Variants in CCDC181 observed in about 807,000 individuals in gnomAD.
The protein encoded by CCDC181 is coiled-coil domain containing 181, also known as coiled-coil domain-containing protein 181.
A neutral mutation model predicts 58.7 loss-of-function variants in CCDC181; 35 were observed. The ratio of observed to expected loss-of-function variants is 0.60; its 90% CI spans 0.46 to 0.79. The LOEUF (loss-of-function observed/expected upper bound fraction) is 0.79, where lower values mean the gene tolerates loss of function less well. CCDC181 is among the 30% of genes least tolerant of loss of function. The probability of loss-of-function intolerance (pLI) is 0.00; values close to 1 mark genes in which losing one functional copy is unlikely to be tolerated. For missense variants in CCDC181, 517 were observed against 583.9 expected (o/e 0.89, Z 1.18); for synonymous variants, 183 against 197.5 (o/e 0.93, Z 0.62).
At chr1:169,444,543 A>G (rs1657322368) in intron 2 of CCDC181, among the ~76,000 whole-genome samples, 1 of 152,196 alleles carries the variant, frequency 6.6e-6, no homozygotes, top group African/African-American at 2.4e-5. Context: ...CTCAGTAAAG[A>G]TGATTCTGCA....
At chr1:169,404,794 TGGA>T (rs1428576993) in intron 4 of CCDC181, among the ~76,000 whole-genome samples, 1 of 152,206 alleles carries the variant, frequency 6.6e-6, no homozygotes, top group Non-Finnish European at 1.5e-5. Context: ...AACATAGTGT[TGGA>T]AGTTCTGGAC....
intron 2 of CCDC181, among the ~76,000 whole-genome samples, chr1:169,444,514 T>A (rs1308508984): frequency 6.6e-6 from 1 of 152,198 alleles, no homozygotes; most frequent in Non-Finnish European, 1.5e-5. Flanking sequence ...TAAACTTTTT[T>A]AAAAGCATAA....
At chr1:169,443,455 G>A (rs1657289419) in intron 2 of CCDC181, 1 of 152,028 alleles carries the variant, frequency 6.6e-6, no homozygotes, top group African/African-American at 2.4e-5. Context: ...GAAACGAAAT[G>A]AATCAGAATT....
chr1:169,420,018 AAG>A (rs1235572089), intron 3 of CCDC181, among the ~76,000 whole-genome samples: 1 of 152,240 alleles, frequency 6.6e-6, no homozygotes, highest in Non-Finnish European at 1.5e-5. Flanking sequence ...TTTCAGAACA[AAG>A]AGTGTGTGAC....
intron 2 of CCDC181, among the ~76,000 whole-genome samples, chr1:169,437,546 AT>A (rs1203714146): frequency 6.6e-6 from 1 of 152,178 alleles, no homozygotes; most frequent in Non-Finnish European, 1.5e-5. Context: ...CTCAGTTACA[AT>A]TTTGCAATGG....
intron 2 of CCDC181, among the ~76,000 whole-genome samples, chr1:169,458,646 G>T (rs928738580): frequency 6.6e-6 from 1 of 151,790 alleles, no homozygotes; most frequent in Non-Finnish European, 1.5e-5. Flanking sequence ...TTGTCATATT[G>T]TTACTTTCTT....
chr1:169,451,023 C>T (rs541250453), intron 2 of CCDC181: 4 of 152,236 alleles, frequency 2.6e-5, no homozygotes, highest in South Asian at 4.1e-4. Flanking sequence ...TATTCCTAAT[C>T]CAAAAATCTG....
At chr1:169,438,468 T>C (rs1468824391) in intron 2 of CCDC181, among the ~76,000 whole-genome samples, 1 of 152,158 alleles carries the variant, frequency 6.6e-6, no homozygotes, top group Non-Finnish European at 1.5e-5. Flanking sequence ...TCCTTTTCTG[T>C]TTTATGAAGC....
intron 4 of CCDC181, among the ~76,000 whole-genome samples, chr1:169,402,488 T>C (rs1176840921): frequency 6.6e-6 from 1 of 151,776 alleles, no homozygotes; most frequent in Non-Finnish European, 1.5e-5. Context: ...CAGAAGAGAG[T>C]GGGGGCCAAT....
intron 2 of CCDC181, among the ~76,000 whole-genome samples, chr1:169,435,112 T>C (rs1657019709): frequency 1.3e-5 from 2 of 152,086 alleles, no homozygotes; most frequent in African/African-American, 4.8e-5. Flanking sequence ...ATAGGTGTTT[T>C]TTTACCACAA....
chr1:169,402,079 A>C (rs557612619), intron 4 of CCDC181, among the ~76,000 whole-genome samples: 167 of 152,302 alleles, frequency 1.1e-3, no homozygotes, highest in Admixed American at 2.4e-3. Flanking sequence ...AAATGAATGA[A>C]ATGAAGTGAG....
chr1:169,453,799 G>C (rs1657614063), intron 2 of CCDC181, among the ~76,000 whole-genome samples: 1 of 151,234 alleles, frequency 6.6e-6, no homozygotes, highest in African/African-American at 2.4e-5. Context: ...CCTACCAGTG[G>C]GCATCAGAGA....
At chr1:169,412,595 G>A (rs1656029642) in intron 4 of CCDC181, among the ~76,000 whole-genome samples, 1 of 152,144 alleles carries the variant, frequency 6.6e-6, no homozygotes, top group Admixed American at 6.6e-5. Context: ...GAACAAAGCT[G>A]GAGGCATCAT....
In CCDC181 at chr1:169,418,654, T is replaced by C. The variant is rs111933686; in HGVS notation, c.1215+359A>G. 1.3e-3 allele frequency: 334 copies of C among 263,372 alleles called. 2 individuals are homozygous for C. Among genetic ancestry groups the C allele is most frequent in the African/African-American group, 6.8e-3 (313 of 45,912 alleles). 16.3% of individuals were successfully genotyped at this position (263,372 alleles called of 1,614,324 possible). The stretch of plus-strand genomic sequence containing the variant: ...TTGGTGTCTTTAATTTGCTAAAGAT[T>C]TACATAATATTTCTATACGTCTAGT... On this transcript the variant is annotated intron_variant, in intron 4 of 5. Transcript: ENST00000367806.
At chr1:169,435,846 A>G (rs141506754) in intron 2 of CCDC181, among the ~76,000 whole-genome samples, 60 of 152,354 alleles carry the variant, frequency 3.9e-4, no homozygotes, top group African/African-American at 1.3e-3. Context: ...ATATTAATGT[A>G]TCAATTTCAA....
At chr1:169,402,459 C>A (rs1275387111) in intron 4 of CCDC181, among the ~76,000 whole-genome samples, 1 of 152,126 alleles carries the variant, frequency 6.6e-6, no homozygotes, top group Non-Finnish European at 1.5e-5. Context: ...GCGGATCTCT[C>A]GGCAGAAACT....
chr1:169,448,178 T>C (rs1343191726), intron 2 of CCDC181, among the ~76,000 whole-genome samples: 1 of 152,158 alleles, frequency 6.6e-6, no homozygotes, highest in Admixed American at 6.5e-5. Context: ...CTTATCCATA[T>C]GCTAGATATT....
intron 4 of CCDC181, among the ~76,000 whole-genome samples, chr1:169,408,477 G>T: frequency 6.6e-6 from 1 of 152,246 alleles, no homozygotes; most frequent in Non-Finnish European, 1.5e-5. Flanking sequence ...AGCTTCAGCA[G>T]ACTTCAATGT....
At chr1:169,459,505 C>T (rs1039827885) in intron 2 of CCDC181, among the ~76,000 whole-genome samples, 2 of 151,980 alleles carry the variant, frequency 1.3e-5, no homozygotes, top group African/African-American at 4.8e-5. Flanking sequence ...ACATGACTTA[C>T]GGGTAAGCAT....
Sources: allele counts gnomAD v4.1 joint callset (sites outside exome capture counted in the v4.1 genomes callset), GRCh38; gene constraint gnomAD v4.1.1; transcripts MANE v1.5; gene names NCBI Gene and HGNC (gene_info 2026-07-23, HGNC 2026-07-21).